The following PHOSPHO1 variants were observed in gnomAD, a reference collection of about 807,000 sequenced individuals.
The protein encoded by PHOSPHO1 is phosphoethanolamine/phosphocholine phosphatase.
A neutral mutation model predicts 17.7 loss-of-function variants in PHOSPHO1; 6 were observed. That is an observed-to-expected ratio of 0.34 (90% CI 0.19 to 0.67). PHOSPHO1 has a LOEUF of 0.67. Ranked by LOEUF, PHOSPHO1 falls within the 30% of genes least tolerant of loss-of-function variation. The pLI, the probability that PHOSPHO1 is intolerant of heterozygous loss-of-function variation, is 0.69. For missense variants in PHOSPHO1, 330 were observed against 392.1 expected (o/e 0.84, Z 1.34); for synonymous variants, 159 against 174.6 (o/e 0.91, Z 0.71).
chr17:49,225,785 A>C, intron 2 of PHOSPHO1: 1 of 1,255,734 alleles, frequency 8.0e-7, no homozygotes, highest in African/African-American at 1.5e-5. Flanking sequence ...CACCTGGGAG[A>C]CAGGTAAGGG....
At chr17:49,225,204 G>T in intron 2 of PHOSPHO1, 200 bp from the exon 3 acceptor site, 1 of 1,425,326 alleles carries the variant, frequency 7.0e-7, no homozygotes, top group South Asian at 1.6e-5. Flanking sequence ...AGCCTTCCCT[G>T]ACTACTCCAG....
At chr17:49,226,839 C>T (rs1363743827) in intron 1 of PHOSPHO1, 81 bp from the exon 2 acceptor site, 4 of 838,064 alleles carry the variant, frequency 4.8e-6, no homozygotes, top group Non-Finnish European at 7.8e-6. Context: ...GGCCCTGGTC[C>T]TTCTGCTGAG....
chr17:49,226,535 G>A, intron 2 of PHOSPHO1, 112 bp downstream of exon 2: 1 of 1,113,350 alleles, frequency 9.0e-7, no homozygotes, highest in Non-Finnish European at 1.4e-6. Context: ...GTAGAGGTGA[G>A]GGTAAACCTA....
intron 2 of PHOSPHO1, chr17:49,225,569 G>C: frequency 8.0e-7 from 1 of 1,253,908 alleles, no homozygotes; most frequent in Non-Finnish European, 1.0e-6. Context: ...CTAGCCCAAT[G>C]GCACTGAACA....
Position 49,224,521 on chromosome 17 carries a change from TG to T in PHOSPHO1, c.528del (p.Cys176Ter). 6.3e-7 allele frequency: 1 copy of T among 1,577,984 alleles called. No individual in the cohort carries two copies. The highest frequency in any genetic ancestry group is 8.6e-7 in the Non-Finnish European group (1 of 1,165,118). ...AGGTAGTCGCTGAGCACCTTGTGCT[TG>T]CACATGTTGGCGGGGCAGCGCGCGC... The part of the protein sequence containing the change: ...HSCARCPANM[C>X]KHKVLSDYLR... On this transcript the variant is annotated frameshift_variant, in exon 3 of 3. Coordinates refer to ENST00000310544, the MANE Select transcript of PHOSPHO1 (RefSeq NM_178500.4). LOFTEE classifies it high-confidence loss of function.
chr17:49,225,376 G>A (rs2043343818), intron 2 of PHOSPHO1: 1 of 985,308 alleles, frequency 1.0e-6, no homozygotes, highest in Admixed American at 6.1e-5. Context: ...GGACTGGACT[G>A]TTTTGGAGAC....
chr17:49,225,883 T>A, intron 2 of PHOSPHO1: 1 of 1,170,210 alleles, frequency 8.5e-7, no homozygotes, highest in Non-Finnish European at 1.1e-6. Context: ...AGGAGAGGGC[T>A]GAGAGGAGGT....
intron 2 of PHOSPHO1, chr17:49,225,334 C>T (rs2043342743): frequency 1.0e-6 from 1 of 985,350 alleles, no homozygotes; most frequent in Middle Eastern, 5.2e-4. Context: ...GGAAGAGCAG[C>T]TTCCAAGGAT....
chr17:49,226,550 G>C, intron 2 of PHOSPHO1, 97 bp downstream of exon 2: 3 of 1,304,198 alleles, frequency 2.3e-6, no homozygotes, highest in Non-Finnish European at 3.3e-6. Flanking sequence ...AACCTAAAAC[G>C]GGCTGGATAG....
chr17:49,224,125 A>G lies in PHOSPHO1; in HGVS notation c.*121T>C. ...AAGCCCCCAAATACGAGATTCCAGA[A>G]ATTCCCAGAGGGACATAACAAAGCC... On this transcript the variant is annotated 3_prime_UTR_variant, in exon 3 of 3. Coordinates refer to ENST00000310544, the MANE Select transcript of PHOSPHO1 (RefSeq NM_178500.4). The G allele has an allele frequency of 7.3e-7, 1 of 1,364,776 alleles. No individual in the cohort carries two copies. The highest frequency in any genetic ancestry group is 9.6e-7 in the Non-Finnish European group (1 of 1,038,172). The allele number at this position is 1,364,776 out of a possible 1,614,324, so 84.5% of individuals were successfully genotyped here.
intron 1 of PHOSPHO1, among the ~76,000 whole-genome samples, chr17:49,228,084 G>A (rs2043373651): frequency 6.6e-6 from 1 of 152,112 alleles, no homozygotes; most frequent in South Asian, 2.1e-4. Context: ...ATAAGAGAAA[G>A]GTCAGGGATG....
At position 49,224,809 on chromosome 17, in the gene PHOSPHO1, C is replaced by T. The variant is rs146679552; in HGVS notation, c.241G>A (p.Glu81Lys). The T allele has an allele frequency of 2.9e-5, 47 of 1,600,680 alleles. No homozygotes were observed. The highest frequency in any genetic ancestry group is 6.8e-5 in the East Asian group (3 of 44,070). ...AGGTCCCGCGGCCGCACGCCCTGCT[C>T]GCCCAGGTACTTGAAGACGCGCTGC... ...YMQRVFKYLGEQGVRPRDLSA... is the reference protein window; with the variant it reads ...YMQRVFKYLGKQGVRPRDLSA... Residue 81 changes from glutamate (E) to lysine (K), a missense_variant, in exon 3 of 3, where the codon GAG (glutamate) becomes AAG (lysine). Physicochemically the swap from Glu to Lys is moderately conservative, Grantham distance 56. Coordinates refer to ENST00000310544, the MANE Select transcript of PHOSPHO1 (RefSeq NM_178500.4).
At position 49,224,787 on chromosome 17, in the gene PHOSPHO1, T is replaced by A; in HGVS notation, c.263A>T (p.Asp88Val). 1 of 1,598,620 alleles carries A rather than the reference T, an allele frequency of 6.3e-7. No individual in the cohort carries two copies. The highest frequency in any genetic ancestry group is 8.5e-7 in the Non-Finnish European group (1 of 1,173,040). ...GATGGCTTCGTAGATGGCGCTCAGGTCCCGCGGCCGCACGCCCTGCTCGCC... is the reference window on the plus strand; with the variant it reads ...GATGGCTTCGTAGATGGCGCTCAGGACCCGCGGCCGCACGCCCTGCTCGCC... ...YLGEQGVRPR[D>V]LSAIYEAIPL... Residue 88 changes from aspartate (D) to valine (V), a missense_variant, in exon 3 of 3, where the codon GAC becomes GTC. Physicochemically the swap from Asp to Val is radical, Grantham distance 152. Transcript: ENST00000310544.
intron 2 of PHOSPHO1, chr17:49,225,816 T>G: frequency 4.2e-6 from 5 of 1,198,946 alleles, no homozygotes; most frequent in Non-Finnish European, 4.2e-6. Flanking sequence ...AGAGCAGCAG[T>G]GGCTGAAAAG....
At position 49,224,226 on chromosome 17, in the gene PHOSPHO1, C is replaced by A. The variant is rs2043324053; in HGVS notation, c.*20G>T. On this transcript the variant is annotated 3_prime_UTR_variant, in exon 3 of 3. Coordinates refer to ENST00000310544, the MANE Select transcript of PHOSPHO1 (RefSeq NM_178500.4). ...CCCCCTCCGCCGTTGGCCCGGGTAC[C>A]CCCCTGCAGGCGGCCAGACTCAGCA... 1 of 1,539,738 alleles carries A rather than the reference C, an allele frequency of 6.5e-7. No homozygotes were observed. Among genetic ancestry groups the A allele is most frequent in the East Asian group, 2.3e-5 (1 of 43,780 alleles).
intron 1 of PHOSPHO1, among the ~76,000 whole-genome samples, chr17:49,230,201 T>C (rs1470035938): frequency 2.0e-5 from 3 of 151,978 alleles, no homozygotes; most frequent in African/African-American, 7.3e-5. Context: ...GGCGCTGGGC[T>C]CCAATGCGGG....
At position 49,224,973 on chromosome 17, in the gene PHOSPHO1, C is replaced by A. The variant is rs745724093; in HGVS notation, c.77G>T (p.Arg26Leu). Reference protein sequence around the residue: ...DGRMAAQGAPRFLLTFDFDET... With the variant: ...DGRMAAQGAPLFLLTFDFDET... ...GTCGAAGTCGAAGGTCAGGAGGAAG[C>A]GCGGCGCGCCCTGCGCGGCCATCCT... The change falls in exon 3 of 3, where the codon CGC becomes CTC. Residue 26 changes from arginine (R) to leucine (L), a missense_variant. Arg to Leu is a moderately radical substitution (Grantham distance 102, BLOSUM62 -2). Transcript: ENST00000310544. 14 of 1,556,882 alleles carry A rather than the reference C, an allele frequency of 9.0e-6. No homozygotes were observed. The highest frequency in any genetic ancestry group is 1.9e-5 in the Admixed American group (1 of 53,060).
chr17:49,229,808 CA>C (rs1159186977), intron 1 of PHOSPHO1, among the ~76,000 whole-genome samples: 2 of 152,174 alleles, frequency 1.3e-5, no homozygotes, highest in Non-Finnish European at 1.5e-5. Context: ...GCCCGAGCAG[CA>C]GATAGGAAAA....
chr17:49,228,715 G>A lies in PHOSPHO1; in HGVS notation c.-68+1753C>T, dbSNP rs1052210203. 4.0e-5 allele frequency among the ~76,000 whole-genome samples: 6 copies of A among 151,138 alleles called. No homozygotes were observed. The East Asian group carries it at 9.7e-4, about 24-fold the overall frequency. Reference sequence around the variant, plus strand: ...TGAGGCAGGAGAATGGCGTGAACCCGGGAGGCGGAACTTGCAGTGAGCCGA... The same window carrying A: ...TGAGGCAGGAGAATGGCGTGAACCCAGGAGGCGGAACTTGCAGTGAGCCGA... On this transcript the variant is annotated intron_variant, in intron 1 of 2. Transcript: ENST00000310544.
Sources: gnomAD v4.1 joint callset for allele counts (sites outside exome capture counted in the v4.1 genomes callset) on GRCh38, gnomAD v4.1.1 for gene constraint, MANE v1.5 for transcripts, NCBI Gene and HGNC (gene_info 2026-07-23, HGNC 2026-07-21) for gene names.